LCA5: variants seen among roughly 807,000 people sequenced by gnomAD.
LCA5 encodes lebercilin LCA5.
In LCA5, 37 loss-of-function variants were observed where a neutral mutation model predicts 53.0. The observed-to-expected ratio is 0.70, with a 90% confidence interval of 0.54 to 0.92. The LOEUF (loss-of-function observed/expected upper bound fraction) is 0.92. LCA5 is among the 40% of genes least tolerant of loss of function. The pLI is 0.00. For synonymous variants in LCA5, 303 were observed against 282.9 expected (o/e 1.07, Z -0.71); for missense variants, 806 against 790.5 (o/e 1.02, Z -0.23).
At position 79,511,760 on chromosome 6, in the gene LCA5, GA is replaced by G. The variant is rs1023465638; in HGVS notation, c.720+1451del. Among the ~76,000 whole-genome samples the G allele has an allele frequency of 1.1e-4, 17 of 151,410 alleles. No individual in the cohort carries two copies. The South Asian group carries it at 1.5e-3, about 13-fold the overall frequency. Reference sequence around the variant, plus strand: ...TAAAAATTTTAAAAACTTCCAATATGAAAAAAAATGAGGATACAATATGGTT... The same window carrying G: ...TAAAAATTTTAAAAACTTCCAATATGAAAAAAATGAGGATACAATATGGTT... On this transcript the variant is annotated intron_variant, in intron 3 of 7. Transcript: ENST00000369846.
At chr6:79,491,976 G>C (rs529463016) in intron 5 of LCA5, among the ~76,000 whole-genome samples, 1 of 151,770 alleles carries the variant, frequency 6.6e-6, no homozygotes. Flanking sequence ...GGATTTACTG[G>C]CAATTATATG....
chr6:79,509,431 G>A (rs1770352197), intron 3 of LCA5, among the ~76,000 whole-genome samples: 1 of 148,522 alleles, frequency 6.7e-6, no homozygotes, highest in Admixed American at 6.8e-5. Context: ...TCCAGCCTGG[G>A]CGACAGAGTG....
rs114943252 is a variant in LCA5, at chr6:79,536,413, T to C, written c.-192+752A>G. On this transcript the variant is annotated intron_variant, in intron 1 of 7. Coordinates refer to ENST00000369846, the MANE Select transcript of LCA5 (RefSeq NM_001122769.3). ...GGGAATAAATATGTATGTGCCCAAG[T>C]ATACTTTCCAAAGAACAAAGTGAAC... 5.4e-3 allele frequency among the ~76,000 whole-genome samples: 823 copies of C among 152,308 alleles called. 9 individuals carry two copies. Among genetic ancestry groups the C allele is most frequent in the African/African-American group, 0.019 (778 of 41,570 alleles).
At chr6:79,516,601 C>T (rs1262336118) in intron 2 of LCA5, among the ~76,000 whole-genome samples, 4 of 151,776 alleles carry the variant, frequency 2.6e-5, no homozygotes, top group African/African-American at 4.8e-5. Context: ...GATCATTAAC[C>T]TGAACTTACA....
At chr6:79,512,354 T>C (rs1766244304) in intron 3 of LCA5, among the ~76,000 whole-genome samples, 1 of 152,122 alleles carries the variant, frequency 6.6e-6, no homozygotes, top group Non-Finnish European at 1.5e-5. Context: ...TGGCCACTGA[T>C]GTACGGTGCA....
intron 2 of LCA5, among the ~76,000 whole-genome samples, chr6:79,517,507 CA>C (rs1766474099): frequency 6.6e-6 from 1 of 152,000 alleles, no homozygotes; most frequent in Non-Finnish European, 1.5e-5. Flanking sequence ...AATAAGAGAT[CA>C]TGCTCTCAAC....
chr6:79,513,795 A>AGGATGAACAAATAACAC, intron 2 of LCA5, 54 bp from the exon 3 acceptor site: 1 of 1,549,660 alleles, frequency 6.5e-7, no homozygotes, highest in Non-Finnish European at 8.9e-7. Context: ...ACACAGTGTT[A>AGGATGAACAAATAACAC]TTTGTTCATC....
chr6:79,526,395 T>A (rs1404780623), intron 1 of LCA5, among the ~76,000 whole-genome samples: 1 of 151,844 alleles, frequency 6.6e-6, no homozygotes, highest in East Asian at 1.9e-4. Context: ...ACACAAAAAA[T>A]TAGCTGGGCG....
chr6:79,513,074 T>C (rs994080886), intron 3 of LCA5, 138 bp downstream of exon 3: 25 of 817,870 alleles, frequency 3.1e-5, no homozygotes, highest in African/African-American at 2.2e-4. Flanking sequence ...AAAATCCAAA[T>C]TTTCCCAAAA....
At chr6:79,509,671 C>T (rs987510997) in intron 3 of LCA5, among the ~76,000 whole-genome samples, 1 of 151,984 alleles carries the variant, frequency 6.6e-6, no homozygotes, top group Non-Finnish European at 1.5e-5. Flanking sequence ...GTGAAAATAA[C>T]TTTTACAACA....
chr6:79,516,437 T>C (rs1196102970), intron 2 of LCA5, among the ~76,000 whole-genome samples: 2 of 151,936 alleles, frequency 1.3e-5, no homozygotes, highest in Admixed American at 6.6e-5. Context: ...TAAAACTTCA[T>C]AGAAAGAGCA....
chr6:79,499,083 C>T (rs113891435), intron 3 of LCA5, among the ~76,000 whole-genome samples: 39 of 152,124 alleles, frequency 2.6e-4, no homozygotes, highest in African/African-American at 8.4e-4. Flanking sequence ...GTTTCACATT[C>T]AAAACAATCC....
upstream of LCA5, among the ~76,000 whole-genome samples, chr6:79,538,709 G>A (rs936824958): frequency 1.3e-5 from 2 of 152,186 alleles, no homozygotes; most frequent in African/African-American, 4.8e-5. Context: ...GTATTTACGT[G>A]GACAAATGTC....
chr6:79,527,422 G>A (rs1326191663), intron 1 of LCA5, among the ~76,000 whole-genome samples: 5 of 152,188 alleles, frequency 3.3e-5, no homozygotes, highest in African/African-American at 9.7e-5. Context: ...GGTAATCAAC[G>A]TAACCAAGAT....
chr6:79,512,171 C>G (rs575124727), intron 3 of LCA5, among the ~76,000 whole-genome samples: 1 of 152,184 alleles, frequency 6.6e-6, no homozygotes, highest in South Asian at 2.1e-4. Context: ...GGTAACTGTT[C>G]TGAGTCCCCA....
At position 79,519,070 on chromosome 6, in the gene LCA5, G is replaced by A. The variant is rs1435624211; in HGVS notation, c.-176C>T. ...CCACAATTCACATTGGCATCCAGAAGATAAACTTTTTTGCCCTGAAATTAA... is the reference window on the plus strand; with the variant it reads ...CCACAATTCACATTGGCATCCAGAAAATAAACTTTTTTGCCCTGAAATTAA... On this transcript the variant is annotated 5_prime_UTR_variant, in exon 2 of 8. Transcript: ENST00000369846. The A allele has an allele frequency of 1.4e-6, 1 of 722,214 alleles. No homozygotes were observed. The highest frequency in any genetic ancestry group is 2.3e-6 in the Non-Finnish European group (1 of 425,548). The allele number at this position is 722,214 out of a possible 1,614,324, so 44.7% of individuals were successfully genotyped here. A position where few individuals can be genotyped will look rare whatever the true frequency, so the allele number is the denominator to read the frequency against.
At position 79,488,797 on chromosome 6, in the gene LCA5, G is replaced by A; in HGVS notation, c.1231+287C>T. ...GAACACCACAAGTATAGTAACTTTA[G>A]TAAGTGGCATCTGAATTCTACTTCA... On this transcript the variant is annotated intron_variant, in intron 7 of 7. Transcript: ENST00000369846. 9.7e-6 allele frequency: 5 copies of A among 517,924 alleles called. No homozygotes were observed. The South Asian group carries it at 1.7e-4, about 18-fold the overall frequency. The allele number at this position is 517,924 out of a possible 1,614,324, so 32.1% of individuals were successfully genotyped here.
rs560310787 is a variant in LCA5, at chr6:79,519,025, C to G, written c.-131G>C. The G allele has an allele frequency of 3.0e-5, 29 of 980,972 alleles. No individual in the cohort carries two copies. The South Asian group carries it at 3.7e-4, about 12-fold the overall frequency. 60.8% of individuals were successfully genotyped at this position (980,972 alleles called of 1,614,324 possible). A position where few individuals can be genotyped will look rare whatever the true frequency, so the allele number is the denominator to read the frequency against. Reference sequence around the variant, plus strand: ...TATTCATTTCTGTGCAATCTATTTTCTCCACAATGTATTTGTAGACCACAA... The same window carrying G: ...TATTCATTTCTGTGCAATCTATTTTGTCCACAATGTATTTGTAGACCACAA... On this transcript the variant is annotated 5_prime_UTR_variant, in exon 2 of 8. Coordinates refer to ENST00000369846, the MANE Select transcript of LCA5 (RefSeq NM_001122769.3).
At chr6:79,521,643 G>C (rs1282533737) in intron 1 of LCA5, among the ~76,000 whole-genome samples, 1 of 152,146 alleles carries the variant, frequency 6.6e-6, no homozygotes, top group East Asian at 1.9e-4. Flanking sequence ...ATTTATGATG[G>C]CTTTTATTTA....
Sources: allele counts gnomAD v4.1 joint callset (sites outside exome capture counted in the v4.1 genomes callset), GRCh38; gene constraint gnomAD v4.1.1; transcripts MANE v1.5; gene names NCBI Gene and HGNC (gene_info 2026-07-23, HGNC 2026-07-21).